Variants in VEGFC observed in about 807,000 individuals in gnomAD.
VEGFC encodes the protein vascular endothelial growth factor C.
A neutral mutation model predicts 46.1 loss-of-function variants in VEGFC; 12 were observed. That is an observed-to-expected ratio of 0.26 (90% CI 0.17 to 0.42). VEGFC has a LOEUF of 0.42. Among genes scored for constraint, VEGFC ranks in the 10% least tolerant of loss-of-function variants. The pLI, the probability that VEGFC is intolerant of heterozygous loss-of-function variation, is 1.00. For synonymous variants in VEGFC, 232 were observed against 195.5 expected, an observed-to-expected ratio of 1.19 and a Z score of -1.56; for missense variants, 488 against 529.4, an observed-to-expected ratio of 0.92 and a Z score of 0.77.
At chr4:176,748,367 G>T (rs1345266999) in intron 1 of VEGFC, among the ~76,000 whole-genome samples, 4 of 152,004 alleles carry the variant, frequency 2.6e-5, no homozygotes, top group African/African-American at 9.7e-5. Context: ...TATACTTGTG[G>T]CTCTTATCCA....
intron 1 of VEGFC, among the ~76,000 whole-genome samples, chr4:176,781,216 C>T (rs1289711203): frequency 6.6e-6 from 1 of 152,166 alleles, no homozygotes; most frequent in African/African-American, 2.4e-5. Flanking sequence ...AGATCTAGGA[C>T]TCAGAGAGAA....
At chr4:176,725,637 T>C (rs1173392966) in intron 3 of VEGFC, among the ~76,000 whole-genome samples, 1 of 152,158 alleles carries the variant, frequency 6.6e-6, no homozygotes, top group Non-Finnish European at 1.5e-5. Context: ...AATACCATAT[T>C]AGGAATATAA....
At chr4:176,688,624 C>T (rs1319065290) in intron 4 of VEGFC, among the ~76,000 whole-genome samples, 1 of 151,802 alleles carries the variant, frequency 6.6e-6, no homozygotes, top group Non-Finnish European at 1.5e-5. Context: ...CCTTCCCCTC[C>T]TTTCCCCTTT....
chr4:176,703,663 G>A (rs967169660), intron 4 of VEGFC, among the ~76,000 whole-genome samples: 1 of 152,062 alleles, frequency 6.6e-6, no homozygotes, highest in Non-Finnish European at 1.5e-5. Flanking sequence ...AAATGTTTGA[G>A]GTGATGGATA....
chr4:176,789,769 C>T (rs1379442461), intron 1 of VEGFC, among the ~76,000 whole-genome samples: 6 of 152,142 alleles, frequency 3.9e-5, no homozygotes, highest in African/African-American at 4.8e-5. Flanking sequence ...AGGAGATCTT[C>T]ATTCTATTTG....
At chr4:176,750,110 A>G (rs141044630) in intron 1 of VEGFC, among the ~76,000 whole-genome samples, 138 of 151,932 alleles carry the variant, frequency 9.1e-4, no homozygotes, top group African/African-American at 3.1e-3. Context: ...ATCCAAAAGG[A>G]AAATAAATAT....
intron 1 of VEGFC, among the ~76,000 whole-genome samples, chr4:176,749,792 C>T (rs1342783169): frequency 5.3e-5 from 8 of 151,662 alleles, no homozygotes; most frequent in Non-Finnish European, 7.4e-5. Context: ...GAGAATTTGG[C>T]GGAGTCTCTT....
At chr4:176,692,930 G>A (rs1245831769) in intron 4 of VEGFC, among the ~76,000 whole-genome samples, 1 of 148,108 alleles carries the variant, frequency 6.8e-6, no homozygotes, top group East Asian at 2.0e-4. Context: ...TCTGTTAGAA[G>A]GAAAACTAAC....
chr4:176,746,235 A>G (rs866987209), intron 1 of VEGFC, among the ~76,000 whole-genome samples: 3 of 152,190 alleles, frequency 2.0e-5, no homozygotes, highest in South Asian at 2.1e-4. Flanking sequence ...CTCTGCTTAT[A>G]TATATGATTG....
intron 1 of VEGFC, among the ~76,000 whole-genome samples, chr4:176,756,461 T>C (rs1356753714): frequency 1.3e-5 from 2 of 151,988 alleles, no homozygotes; most frequent in Non-Finnish European, 1.5e-5. Context: ...CCTTAAGGAA[T>C]TGGTAGCTGG....
intron 1 of VEGFC, among the ~76,000 whole-genome samples, chr4:176,779,925 G>A (rs562938994): frequency 1.1e-4 from 16 of 152,278 alleles, no homozygotes; most frequent in African/African-American, 3.6e-4. Context: ...AAGTTGGAGT[G>A]AAACCCACAG....
Position 176,792,213 on chromosome 4 carries a change from C to A in VEGFC, c.99G>T (p.Glu33Asp), listed in dbSNP as rs763720480. The A allele has an allele frequency of 7.7e-6, 12 of 1,563,878 alleles. No homozygotes were observed. In the Admixed American group the frequency reaches 1.3e-4, roughly 17 times the overall value. ...REAPAAAAAF[E>D]SGLDLSDAEP... ...CCGCGTCCGAGAGGTCGAGTCCGGA[C>A]TCGAAGGCGGCGGCGGCGGCGGGCG... The change falls in exon 1 of 7, where the codon GAG (glutamate) becomes GAT (aspartate). Residue 33 changes from glutamate (E) to aspartate (D), a missense_variant. By Grantham distance (45) the Glu-to-Asp change is conservative (BLOSUM62 2). Transcript: ENST00000618562. This position sits in a 1 kb window ranked among gnomAD's most constrained non-coding sequence, Gnocchi z 6.3.
At chr4:176,692,302 G>A (rs1206302186) in intron 4 of VEGFC, among the ~76,000 whole-genome samples, 2 of 134,858 alleles carry the variant, frequency 1.5e-5, no homozygotes, top group African/African-American at 3.5e-5. Flanking sequence ...GCTGAGGCAG[G>A]AGAATGGCGT....
At chr4:176,743,309 CA>C (rs1014206471) in intron 1 of VEGFC, among the ~76,000 whole-genome samples, 3 of 151,678 alleles carry the variant, frequency 2.0e-5, no homozygotes, top group East Asian at 3.9e-4. Context: ...ATATTTGGGA[CA>C]AAAAAATCTG....
At chr4:176,743,218 C>A (rs1735205343) in intron 1 of VEGFC, among the ~76,000 whole-genome samples, 1 of 151,970 alleles carries the variant, frequency 6.6e-6, no homozygotes, top group South Asian at 2.1e-4. Context: ...AGGCCATCTG[C>A]ATTCAAATAA....
At chr4:176,743,699 T>C (rs1244620270) in intron 1 of VEGFC, among the ~76,000 whole-genome samples, 1 of 151,608 alleles carries the variant, frequency 6.6e-6, no homozygotes, top group Admixed American at 6.6e-5. Context: ...TGGCATGTTA[T>C]TTTATATTTC....
intron 1 of VEGFC, among the ~76,000 whole-genome samples, chr4:176,743,885 C>T (rs1006877309): frequency 6.6e-6 from 1 of 151,834 alleles, no homozygotes; most frequent in African/African-American, 2.4e-5. Context: ...TCCTATGACC[C>T]CAATCTTGTG....
intron 1 of VEGFC, among the ~76,000 whole-genome samples, chr4:176,740,320 TATAA>T (rs1415290613): frequency 1.3e-4 from 16 of 120,572 alleles, no homozygotes; most frequent in Non-Finnish European, 1.8e-4. Flanking sequence ...TAACTATATT[TATAA>T]ATAAATATAT....
At chr4:176,733,400 T>C (rs536519023) in intron 1 of VEGFC, among the ~76,000 whole-genome samples, 2 of 152,090 alleles carry the variant, frequency 1.3e-5, no homozygotes, top group Non-Finnish European at 2.9e-5. Context: ...TGATTGTACA[T>C]TCATGTAATG....
Sources: allele counts gnomAD v4.1 joint callset (sites outside exome capture counted in the v4.1 genomes callset), GRCh38; gene constraint gnomAD v4.1.1; non-coding constraint Gnocchi (gnomAD v3.1); transcripts MANE v1.5; gene names NCBI Gene and HGNC (gene_info 2026-07-23, HGNC 2026-07-21).